Variants in TBL1XR1 observed in about 807,000 individuals in gnomAD.
TBL1XR1 encodes the protein TBL1X/Y related 1.
In TBL1XR1, 5 loss-of-function variants were observed where a neutral mutation model predicts 66.9. That is an observed-to-expected ratio of 0.07 (90% CI 0.04 to 0.16). The LOEUF is 0.16. TBL1XR1 is among the 10% of genes least tolerant of loss of function. The pLI, the probability that TBL1XR1 is intolerant of heterozygous loss-of-function variation, is 1.00. For missense variants in TBL1XR1, 238 were observed against 623.2 expected, an observed-to-expected ratio of 0.38 and a Z score of 6.58; for synonymous variants, 210 against 206.0, an observed-to-expected ratio of 1.02 and a Z score of -0.17.
chr3:177,179,626 C>G (rs76902333), intron 1 of TBL1XR1, among the ~76,000 whole-genome samples: 9,801 of 152,202 alleles, frequency 0.064, 456 homozygotes, highest in Non-Finnish European at 0.096. Context: ...CTCAAAGTTG[C>G]AACTACTCTT....
chr3:177,158,391 G>A (rs1238248663), intron 1 of TBL1XR1, among the ~76,000 whole-genome samples: 1 of 151,922 alleles, frequency 6.6e-6, no homozygotes, highest in African/African-American at 2.4e-5. Context: ...ACTATGCCCA[G>A]CTAATTTTTG....
intron 2 of TBL1XR1, among the ~76,000 whole-genome samples, chr3:177,068,532 C>T (rs1719457177): frequency 6.6e-6 from 1 of 152,176 alleles, no homozygotes; most frequent in South Asian, 2.1e-4. Flanking sequence ...ACTAGTGAGG[C>T]AATCCAGCTA....
chr3:177,112,107 A>ATATATATATATATATTTTTTTTTTT, intron 1 of TBL1XR1, among the ~76,000 whole-genome samples: 1 of 37,652 alleles, frequency 2.7e-5, no homozygotes, highest in Non-Finnish European at 4.5e-5. Flanking sequence ...ATATATATAT[A>ATATATATATATATATTTTTTTTTTT]TTTTTTTTTT....
chr3:177,058,307 T>A (rs995971321), intron 3 of TBL1XR1, among the ~76,000 whole-genome samples: 1 of 152,182 alleles, frequency 6.6e-6, no homozygotes, highest in South Asian at 2.1e-4. Context: ...AGATCCAGAT[T>A]TTAGAAAAGG....
At chr3:177,174,408 C>CAA (rs59132617) in intron 1 of TBL1XR1, among the ~76,000 whole-genome samples, 27,392 of 57,780 alleles carry the variant, frequency 0.47, 6,242 homozygotes, top group Non-Finnish European at 0.56. Context: ...GACTCCATCT[C>CAA]AAAAAAAAAA....
chr3:177,132,333 G>C (rs552879062), intron 1 of TBL1XR1, among the ~76,000 whole-genome samples: 3 of 152,308 alleles, frequency 2.0e-5, no homozygotes, highest in Non-Finnish European at 4.4e-5. Context: ...TGGCCCTACA[G>C]AAGGGGGACA....
intron 1 of TBL1XR1, among the ~76,000 whole-genome samples, chr3:177,115,504 C>T (rs1726199497): frequency 6.6e-6 from 1 of 152,140 alleles, no homozygotes; most frequent in African/African-American, 2.4e-5. Context: ...GGGTCACACC[C>T]CTTTGCTCTG....
intron 2 of TBL1XR1, among the ~76,000 whole-genome samples, chr3:177,098,037 T>C (rs972369719): frequency 1.3e-5 from 2 of 152,074 alleles, no homozygotes; most frequent in East Asian, 3.9e-4. Flanking sequence ...TGAAATCCTG[T>C]CTCTTACTAA....
intron 2 of TBL1XR1, among the ~76,000 whole-genome samples, chr3:177,090,431 C>T (rs542465780): frequency 6.6e-6 from 1 of 151,166 alleles, no homozygotes; most frequent in Non-Finnish European, 1.5e-5. Flanking sequence ...GTAATCCCAG[C>T]ACTTTGGCAG....
intron 3 of TBL1XR1, among the ~76,000 whole-genome samples, chr3:177,057,073 GCTCTT>G (rs1717895666): frequency 6.6e-6 from 1 of 152,030 alleles, no homozygotes; most frequent in Middle Eastern, 3.2e-3. Flanking sequence ...CTGTAATCTG[GCTCTT>G]CTGTCTCTCC....
At chr3:177,133,065 G>C (rs1728488784) in intron 1 of TBL1XR1, among the ~76,000 whole-genome samples, 2 of 152,144 alleles carry the variant, frequency 1.3e-5, no homozygotes, top group African/African-American at 4.8e-5. Flanking sequence ...AAGGCAGGAG[G>C]ATTACCTGTC....
At chr3:177,156,520 C>CACACAT (rs1341244312) in intron 1 of TBL1XR1, among the ~76,000 whole-genome samples, 19 of 48,050 alleles carry the variant, frequency 4.0e-4, no homozygotes, top group African/African-American at 1.4e-3. Flanking sequence ...TATATACATA[C>CACACAT]ACACACACAC....
intron 1 of TBL1XR1, among the ~76,000 whole-genome samples, chr3:177,137,646 C>A (rs1028640287): frequency 1.3e-5 from 2 of 152,044 alleles, no homozygotes; most frequent in Admixed American, 1.3e-4. Context: ...CAAGGCCCCA[C>A]GCAAAATGAA....
intron 12 of TBL1XR1, among the ~76,000 whole-genome samples, chr3:177,036,861 A>G (rs1205186804): frequency 6.6e-6 from 1 of 152,230 alleles, no homozygotes; most frequent in African/African-American, 2.4e-5. Flanking sequence ...AGTCCTTGGT[A>G]CTGCAAAGTC....
At chr3:177,174,860 A>T (rs754437771) in intron 1 of TBL1XR1, among the ~76,000 whole-genome samples, 13 of 152,184 alleles carry the variant, frequency 8.5e-5, no homozygotes, top group Non-Finnish European at 1.8e-4. Flanking sequence ...TCCGTTTAAA[A>T]TCCTTCACTA....
intron 2 of TBL1XR1, among the ~76,000 whole-genome samples, chr3:177,076,062 C>T (rs963334826): frequency 6.6e-6 from 1 of 152,236 alleles, no homozygotes; most frequent in African/African-American, 2.4e-5. Flanking sequence ...AAGGTGCCAG[C>T]AGATACAGTG....
At chr3:177,053,726 C>A in intron 4 of TBL1XR1, 47 bp downstream of exon 4, 1 of 1,552,338 alleles carries the variant, frequency 6.4e-7, no homozygotes, top group East Asian at 2.3e-5. Context: ...GACTTAACGG[C>A]ATATTTAAGA....
intron 12 of TBL1XR1, among the ~76,000 whole-genome samples, chr3:177,036,815 CA>C (rs1714855335): frequency 6.6e-6 from 1 of 152,200 alleles, no homozygotes; most frequent in Non-Finnish European, 1.5e-5. Context: ...AGTTTTCCCT[CA>C]TGATTTTCAT....
At chr3:177,143,485 G>A (rs546823199) in intron 1 of TBL1XR1, among the ~76,000 whole-genome samples, 1 of 152,130 alleles carries the variant, frequency 6.6e-6, no homozygotes, top group Non-Finnish European at 1.5e-5. Context: ...TTTACAGTAC[G>A]TGAAGTGATG....
Sources: allele counts gnomAD v4.1 joint callset (sites outside exome capture counted in the v4.1 genomes callset), GRCh38; gene constraint gnomAD v4.1.1; transcripts MANE v1.5; gene names NCBI Gene and HGNC (gene_info 2026-07-23, HGNC 2026-07-21).